Variants in EXOC2 observed in about 807,000 individuals in gnomAD.
The protein encoded by EXOC2 is SEC5-like 1.
In EXOC2, 70 loss-of-function variants were observed where a neutral mutation model predicts 131.8. The ratio of observed to expected loss-of-function variants is 0.53; its 90% CI spans 0.44 to 0.65. The LOEUF (loss-of-function observed/expected upper bound fraction) is 0.65. Ranked by LOEUF, EXOC2 falls within the 30% of genes least tolerant of loss-of-function variation. The pLI, the probability that EXOC2 is intolerant of heterozygous loss-of-function variation, is 0.00. For synonymous variants in EXOC2, 411 were observed against 398.4 expected, an observed-to-expected ratio of 1.03 and a Z score of -0.38; for missense variants, 923 against 1,108.6, an observed-to-expected ratio of 0.83 and a Z score of 2.38.
chr6:599,223 C>A lies in EXOC2; in HGVS notation c.745G>T (p.Ala249Ser). ...TQKLENVLNR[A>S]SNTADTLFQE... is the part of the protein sequence containing the mutation. ...AACAATGTGTCTGCAGTATTACTTGCTCCTGTTTTAAAAAGAGGAAAGGAA... is the reference window on the plus strand; with the variant it reads ...AACAATGTGTCTGCAGTATTACTTGATCCTGTTTTAAAAAGAGGAAAGGAA... The change falls in exon 8 of 28, where the codon GCA (alanine) becomes TCA (serine). Residue 249 changes from alanine (A) to serine (S), a missense_variant and splice_region_variant. Physicochemically the swap from Ala to Ser is moderately conservative, Grantham distance 99. Coordinates refer to ENST00000230449, the MANE Select transcript of EXOC2 (RefSeq NM_018303.6). 6.4e-7 allele frequency: 1 copy of A among 1,552,246 alleles called. No homozygotes were observed. Among genetic ancestry groups the A allele is most frequent in the Admixed American group, 1.9e-5 (1 of 51,586 alleles).
chr6:538,542 G>T (rs1192668363), intron 22 of EXOC2, among the ~76,000 whole-genome samples: 1 of 152,176 alleles, frequency 6.6e-6, no homozygotes, highest in Non-Finnish European at 1.5e-5. Flanking sequence ...CACTGATGGG[G>T]GTGAGAAAGG....
intron 1 of EXOC2, among the ~76,000 whole-genome samples, chr6:653,784 A>G (rs1021590319): frequency 6.6e-6 from 1 of 152,228 alleles, no homozygotes; most frequent in Admixed American, 6.5e-5. Flanking sequence ...CAATTGGAAG[A>G]AGATGCCATC....
intron 4 of EXOC2, among the ~76,000 whole-genome samples, chr6:623,265 C>T (rs1219236292): frequency 6.6e-6 from 1 of 152,200 alleles, no homozygotes; most frequent in Non-Finnish European, 1.5e-5. Flanking sequence ...TCGAGCCCCA[C>T]CCACCCGCCA....
chr6:687,171 CTTTTTT>C (rs762736216), intron 1 of EXOC2, among the ~76,000 whole-genome samples: 9 of 78,360 alleles, frequency 1.1e-4, no homozygotes, highest in Admixed American at 2.2e-4. Context: ...AAATAATATT[CTTTTTT>C]TTTTTTTTTT....
At chr6:507,125 T>G in intron 23 of EXOC2, among the ~76,000 whole-genome samples, 1 of 43,070 alleles carries the variant, frequency 2.3e-5, no homozygotes, top group African/African-American at 5.6e-5. Flanking sequence ...ACTACACACA[T>G]ACACACACAC....
At chr6:634,464 G>A (rs779837547) in intron 2 of EXOC2, among the ~76,000 whole-genome samples, 5 of 151,950 alleles carry the variant, frequency 3.3e-5, no homozygotes, top group Admixed American at 6.6e-5. Flanking sequence ...GTTTTCTTTC[G>A]GCTTTTTTTC....
chr6:525,764 G>C (rs950353964), intron 23 of EXOC2, among the ~76,000 whole-genome samples: 2 of 152,044 alleles, frequency 1.3e-5, no homozygotes, highest in Admixed American at 1.3e-4. Context: ...GTGTATACAT[G>C]TCAAATTGTA....
At chr6:567,485 ATTAT>A (rs1336209316) in intron 13 of EXOC2, among the ~76,000 whole-genome samples, 1 of 152,198 alleles carries the variant, frequency 6.6e-6, no homozygotes, top group African/African-American at 2.4e-5. Context: ...ATTTAAAAAA[ATTAT>A]TTGAGTTCTG....
intron 4 of EXOC2, among the ~76,000 whole-genome samples, chr6:626,961 A>G (rs1157602039): frequency 6.6e-6 from 1 of 152,156 alleles, no homozygotes; most frequent in East Asian, 1.9e-4. Flanking sequence ...CAATACTGAC[A>G]TTTTCAAAAA....
Position 556,540 on chromosome 6 carries a change from C to T in EXOC2, c.1876G>A (p.Val626Met), listed in dbSNP as rs756375300. 7.7e-5 allele frequency: 124 copies of T among 1,614,126 alleles called. No homozygotes were observed. The highest frequency in any genetic ancestry group is 1.0e-4 in the Admixed American group (6 of 60,012). ...SLPCQFEQCI[V>M]CSLQSLKGVL... ...CCCTTCAGTGACTGCAGAGAACACA[C>T]GATGCACTGTTCAAACTGACATGGC... Residue 626 changes from valine to methionine, a missense_variant, in exon 18 of 28, where the codon GTG (valine) becomes ATG (methionine). By Grantham distance (21) the Val-to-Met change is conservative. Transcript: ENST00000230449.
chr6:634,552 A>G (rs1219624121), intron 2 of EXOC2, among the ~76,000 whole-genome samples: 6 of 152,250 alleles, frequency 3.9e-5, no homozygotes, highest in Admixed American at 2.0e-4. Flanking sequence ...TTTTGTTCCA[A>G]CTTAAAGAAC....
rs528129493 is a variant in EXOC2 at position 681,467 on chromosome 6, C to A, written c.-44+11552G>T. Among the ~76,000 whole-genome samples, 4 of 152,226 alleles carry A rather than the reference C, an allele frequency of 2.6e-5. No individual in the cohort carries two copies. The South Asian group carries it at 8.3e-4, about 32-fold the overall frequency. ...TTAATGCTGTGTCTCCTTTCTCCCC[C>A]CACCAAAGAAGTATTTTAAATGTTT... is the stretch of plus-strand genomic sequence containing the variant. On this transcript the variant is annotated intron_variant, in intron 1 of 27. Coordinates refer to ENST00000230449, the MANE Select transcript of EXOC2 (RefSeq NM_018303.6).
intron 20 of EXOC2, 69 bp downstream of exon 20, chr6:555,158 C>T: frequency 1.2e-6 from 1 of 868,612 alleles, no homozygotes; most frequent in African/African-American, 1.7e-5. Flanking sequence ...TAAGACCAAG[C>T]ATAAAACTTG....
chr6:629,731 G>C, intron 4 of EXOC2, 104 bp downstream of exon 4: 1 of 1,407,842 alleles, frequency 7.1e-7, no homozygotes, highest in Non-Finnish European at 9.6e-7. Context: ...GTCTTCAACT[G>C]TGTTTCCTGG....
chr6:573,834 T>C (rs1331293237), intron 12 of EXOC2, among the ~76,000 whole-genome samples: 1 of 152,164 alleles, frequency 6.6e-6, no homozygotes. Context: ...AAGTGCCTAG[T>C]TCCCAGCCGG....
chr6:577,096 T>C (rs1322630415), intron 11 of EXOC2, among the ~76,000 whole-genome samples: 6 of 152,348 alleles, frequency 3.9e-5, no homozygotes, highest in Admixed American at 1.3e-4. Flanking sequence ...GGGAGGATAA[T>C]GCTATAAACA....
intron 1 of EXOC2, among the ~76,000 whole-genome samples, chr6:640,013 A>G (rs1762284130): frequency 6.6e-6 from 1 of 152,204 alleles, no homozygotes. Flanking sequence ...CAATGCTCAG[A>G]TGGTAGTTAA....
chr6:685,869 C>CTTTTTTTTTTTTTTTTTTTTTT lies in EXOC2; in HGVS notation c.-44+7128_-44+7149dup, dbSNP rs58892194. On this transcript the variant is annotated intron_variant, in intron 1 of 27. Transcript: ENST00000230449. ...TAATGTATCCTGCTTTCCTGGACCT[C>CTTTTTTTTTTTTTTTTTTTTTT]TTTTTTTTTTTTTTTTTTTTTTTTG... Among the ~76,000 whole-genome samples the CTTTTTTTTTTTTTTTTTTTTTT allele has an allele frequency of 1.3e-4, 13 of 98,260 alleles. 2 individuals carry two copies. The highest frequency in any genetic ancestry group is 2.2e-4 in the Admixed American group (2 of 9,058). The allele number at this position is 98,260 out of a possible 152,430, so 64.5% of individuals were successfully genotyped here.
At chr6:632,254 CT>C (rs1378697665) in intron 3 of EXOC2, among the ~76,000 whole-genome samples, 1 of 152,208 alleles carries the variant, frequency 6.6e-6, no homozygotes, top group Non-Finnish European at 1.5e-5. Flanking sequence ...ATATATTCCA[CT>C]TTTGCTCATG....
Sources: gnomAD v4.1 joint callset for allele counts (sites outside exome capture counted in the v4.1 genomes callset) on GRCh38, gnomAD v4.1.1 for gene constraint, MANE v1.5 for transcripts, NCBI Gene and HGNC (gene_info 2026-07-23, HGNC 2026-07-21) for gene names.